Variants in CNOT3 observed in about 807,000 individuals in gnomAD.
CNOT3 encodes the protein CCR4-associated factor 3.
In CNOT3, 2 loss-of-function variants were observed where a neutral mutation model predicts 89.4. The ratio of observed to expected loss-of-function variants is 0.02; its 90% CI spans 0.01 to 0.07. The LOEUF (loss-of-function observed/expected upper bound fraction) is 0.07, where lower values mean the gene tolerates loss of function less well. CNOT3 is among the 10% of genes least tolerant of loss of function. The probability of loss-of-function intolerance (pLI) is 1.00; values close to 1 mark genes in which losing one functional copy is unlikely to be tolerated. For synonymous variants in CNOT3, 486 were observed against 402.0 expected (o/e 1.21, Z -2.50); for missense variants, 664 against 1,010.2 (o/e 0.66, Z 4.65).
rs367830675 is a variant in CNOT3 at position 54,153,050 on chromosome 19, C to T, written c.2037+51C>T. The T allele has an allele frequency of 4.2e-5, 65 of 1,560,618 alleles. 1 individual carries two copies. The Middle Eastern group carries it at 6.9e-4, about 17-fold the overall frequency. ...TCGGGCCCCCCGGCTTCGCCGCCAC[C>T]GCCGCCGTCCCCCCTCGGGCTGGAG... On this transcript the variant is annotated intron_variant, in intron 16 of 17. Transcript: ENST00000221232.
In CNOT3 at chr19:54,145,863, A is replaced by T. The variant is rs375211815; in HGVS notation, c.703+46A>T. The T allele has an allele frequency of 5.0e-6, 8 of 1,610,788 alleles. No individual in the cohort carries two copies. The highest frequency in any genetic ancestry group is 1.7e-5 in the Admixed American group (1 of 59,934). On this transcript the variant is annotated intron_variant, in intron 8 of 17. Coordinates refer to ENST00000221232, the MANE Select transcript of CNOT3 (RefSeq NM_014516.4). The surrounding 1 kb of genome is among the most constrained non-coding windows in gnomAD (Gnocchi z 5.9). Reference sequence around the variant, plus strand: ...GTGGCACAGGAAGTGAGGGCCCAGAATGGGCTGTGTGAGCCAGCTAAGCAT... The same window carrying T: ...GTGGCACAGGAAGTGAGGGCCCAGATTGGGCTGTGTGAGCCAGCTAAGCAT...
At chr19:54,146,556 G>A (rs587687699) in intron 9 of CNOT3, 45 bp from the exon 10 acceptor site, 14 of 944,838 alleles carry the variant, frequency 1.5e-5, no homozygotes, top group South Asian at 1.0e-4. Context: ...CTCCATCAGA[G>A]CCCCAGAGGT....
intron 15 of CNOT3, 93 bp from the exon 16 acceptor site, chr19:54,152,774 C>T: frequency 1.2e-6 from 1 of 854,334 alleles, no homozygotes; most frequent in South Asian, 1.5e-5. Flanking sequence ...CTTTCTGTAC[C>T]ACCTCCCCCC....
chr19:54,141,326 T>A (rs1287868685), intron 1 of CNOT3: 1 of 152,180 alleles, frequency 6.6e-6, no homozygotes, highest in African/African-American at 2.4e-5. Context: ...TGAGGAGATT[T>A]AAATTCCCTC....
At chr19:54,147,310 G>A (rs2074733579) in intron 10 of CNOT3, among the ~76,000 whole-genome samples, 1 of 152,202 alleles carries the variant, frequency 6.6e-6, no homozygotes, top group Non-Finnish European at 1.5e-5. Flanking sequence ...CGGGATGGAT[G>A]GTTCCAAGGG....
Position 54,146,587 on chromosome 19 carries a change from C to A in CNOT3, c.838-14C>A. On this transcript the variant is annotated splice_polypyrimidine_tract_variant and intron_variant, in intron 9 of 17. Transcript: ENST00000221232. ...GAGGTCACACAGGTTTCTATTCTGC[C>A]TCCCCTACCTCAGGAAAACTCTGAA... 1.5e-6 allele frequency: 2 copies of A among 1,371,542 alleles called. No homozygotes were observed. The highest frequency in any genetic ancestry group is 2.1e-6 in the Non-Finnish European group (2 of 958,776). The allele number at this position is 1,371,542 out of a possible 1,614,324, so 85.0% of individuals were successfully genotyped here.
At chr19:54,153,077 G>A in intron 16 of CNOT3, 78 bp downstream of exon 16, 1 of 1,492,718 alleles carries the variant, frequency 6.7e-7, no homozygotes, top group Non-Finnish European at 9.2e-7. Flanking sequence ...GGGCTGGAGG[G>A]GTGAGGTGGG....
At chr19:54,149,843 C>T in intron 13 of CNOT3, 85 bp downstream of exon 13, 2 of 1,290,644 alleles carry the variant, frequency 1.5e-6, no homozygotes, top group African/African-American at 2.0e-5. Flanking sequence ...CCCCTTGCCC[C>T]CACCCTCTTT....
At chr19:54,138,736 C>T (rs2074326707) in intron 1 of CNOT3, among the ~76,000 whole-genome samples, 1 of 152,218 alleles carries the variant, frequency 6.6e-6, no homozygotes, top group African/African-American at 2.4e-5. Context: ...CTGTAGTCTG[C>T]AGCTCTTCCC....
At chr19:54,153,118 C>G in intron 16 of CNOT3, 119 bp downstream of exon 16, 1 of 809,360 alleles carries the variant, frequency 1.2e-6, no homozygotes, top group Non-Finnish European at 2.2e-6. Flanking sequence ...GACCGCACCC[C>G]CTCCCTATTC....
Position 54,144,013 on chromosome 19 carries a change from A to C in CNOT3, c.266A>C (p.Glu89Ala). The change falls in exon 6 of 18, where the codon GAA becomes GCA. Residue 89 changes from glutamate to alanine, a missense_variant. Transcript: ENST00000221232. This position sits in a 1 kb window ranked among gnomAD's most constrained non-coding sequence, Gnocchi z 4.8. ...DNRKLIETQMERFKVVERETK... is the reference protein window; with the variant it reads ...DNRKLIETQMARFKVVERETK... Reference sequence around the variant, plus strand: ...CAACTGCACTCTCTACAGCAAATGGAACGGTTCAAAGTTGTGGAACGAGAG... The same window carrying C: ...CAACTGCACTCTCTACAGCAAATGGCACGGTTCAAAGTTGTGGAACGAGAG... 1 of 1,593,440 alleles carries C rather than the reference A, an allele frequency of 6.3e-7. No individual in the cohort carries two copies. Among genetic ancestry groups the C allele is most frequent in the Non-Finnish European group, 8.5e-7 (1 of 1,174,718 alleles).
intron 3 of CNOT3, 97 bp downstream of exon 3, chr19:54,143,283 C>T: frequency 8.7e-7 from 1 of 1,150,272 alleles, no homozygotes. Flanking sequence ...GGAGGGGCTA[C>T]ATATGCAGAT....
rs2074605797 is a variant in CNOT3, at chr19:54,145,096, T to C, written c.484-502T>C. Among the ~76,000 whole-genome samples the C allele has an allele frequency of 6.6e-6, 1 of 151,996 alleles. No homozygotes were observed. The highest frequency in any genetic ancestry group is 1.5e-5 in the Non-Finnish European group (1 of 67,986). ...GGAGGGCAGGAGCGAGGCTTAGGAA[T>C]CTGGGCTCTCTCAGGGATAAATGGG... is the stretch of plus-strand genomic sequence containing the variant. On this transcript the variant is annotated intron_variant, in intron 7 of 17. Coordinates refer to ENST00000221232, the MANE Select transcript of CNOT3 (RefSeq NM_014516.4). This position sits in a 1 kb window ranked among gnomAD's most constrained non-coding sequence, Gnocchi z 5.9.
At chr19:54,153,177 C>T (rs753024480) in intron 16 of CNOT3, 178 bp downstream of exon 16, 3 of 766,734 alleles carry the variant, frequency 3.9e-6, no homozygotes, top group South Asian at 2.7e-5. Flanking sequence ...TCCCCGCCTT[C>T]CAGCCCAGAG....
chr19:54,145,657 C>T lies in CNOT3; in HGVS notation c.543C>T (p.Arg181=). ...RHIEKHRYHV[R]MLETILRMLD... Reference sequence around the variant, plus strand: ...TCGAGAAGCACCGCTACCACGTGCGCATGCTAGAGACCATCCTGCGCATGC... The same window carrying T: ...TCGAGAAGCACCGCTACCACGTGCGTATGCTAGAGACCATCCTGCGCATGC... The change falls in exon 8 of 18, where the codon CGC becomes CGT. Residue 181 remains arginine, a synonymous_variant. Coordinates refer to ENST00000221232, the MANE Select transcript of CNOT3 (RefSeq NM_014516.4). This position sits in a 1 kb window ranked among gnomAD's most constrained non-coding sequence, Gnocchi z 5.9. 1 of 1,613,840 alleles carries T rather than the reference C, an allele frequency of 6.2e-7. No homozygotes were observed. The highest frequency in any genetic ancestry group is 8.5e-7 in the Non-Finnish European group (1 of 1,179,780).
At chr19:54,143,069 A>G (rs2074517959) in intron 2 of CNOT3, 50 bp from the exon 3 acceptor site, 1 of 1,612,646 alleles carries the variant, frequency 6.2e-7, no homozygotes, top group African/African-American at 1.3e-5. Context: ...TGCTCTTTAG[A>G]TACCTGCCAC....
chr19:54,151,423 G>C (rs933710235), intron 13 of CNOT3, among the ~76,000 whole-genome samples: 1 of 152,200 alleles, frequency 6.6e-6, no homozygotes, highest in Non-Finnish European at 1.5e-5. Flanking sequence ...AGGACGGATA[G>C]CTGGGCGTGG....
At chr19:54,149,470 G>T in intron 12 of CNOT3, 90 bp from the exon 13 acceptor site, 1 of 746,972 alleles carries the variant, frequency 1.3e-6, no homozygotes. Flanking sequence ...TCTGATCTGT[G>T]CAGTCTCCCC....
chr19:54,148,894 C>A lies in CNOT3; in HGVS notation c.1406+151C>A. ...TATCCTCCATCTCCCTCGGGTGTTA[C>A]ACCCCCACTTCTTTCCAGCAAGGAA... On this transcript the variant is annotated intron_variant, in intron 12 of 17. Transcript: ENST00000221232. The surrounding 1 kb of genome is among the most constrained non-coding windows in gnomAD (Gnocchi z 6.3). 1.5e-6 allele frequency: 1 copy of A among 662,918 alleles called. No individual in the cohort carries two copies. The highest frequency in any genetic ancestry group is 2.0e-5 in the South Asian group (1 of 51,204). The allele number at this position is 662,918 out of a possible 1,614,324, so 41.1% of individuals were successfully genotyped here.
Sources: allele counts gnomAD v4.1 joint callset (sites outside exome capture counted in the v4.1 genomes callset), GRCh38; gene constraint gnomAD v4.1.1; non-coding constraint Gnocchi (gnomAD v3.1); transcripts MANE v1.5; gene names NCBI Gene and HGNC (gene_info 2026-07-23, HGNC 2026-07-21).